TMEM107: variants seen among roughly 807,000 people sequenced by gnomAD.
TMEM107 encodes transmembrane protein 107.
A neutral mutation model predicts 16.8 loss-of-function variants in TMEM107; 18 were observed. That is an observed-to-expected ratio of 1.07 (90% CI 0.74 to 1.59). The LOEUF (loss-of-function observed/expected upper bound fraction) is 1.59, where lower values mean the gene tolerates loss of function less well. Ranked by LOEUF, TMEM107 falls within the 40% of genes most tolerant of loss-of-function variation. The pLI, the probability that TMEM107 is intolerant of heterozygous loss-of-function variation, is 0.00. For missense variants in TMEM107, 152 were observed against 175.4 expected, an observed-to-expected ratio of 0.87 and a Z score of 0.75; for synonymous variants, 68 against 71.6, an observed-to-expected ratio of 0.95 and a Z score of 0.25.
rs562912181 is a variant in TMEM107, at chr17:8,173,486, C to T, written c.*717G>A. ...AGGAGCAATCAGGGTGTTGCAAGTC[C>T]TGATTACGCAGAGACGTTAATCACG... is the stretch of plus-strand genomic sequence containing the variant. On this transcript the variant is annotated 3_prime_UTR_variant, in exon 5 of 5. Coordinates refer to ENST00000437139, the MANE Select transcript of TMEM107 (RefSeq NM_183065.4). 2.0e-5 allele frequency: 15 copies of T among 765,008 alleles called. No homozygotes were observed. Among genetic ancestry groups the T allele is most frequent in the East Asian group, 9.7e-5 (4 of 41,246 alleles). The allele number at this position is 765,008 out of a possible 1,614,324, so 47.4% of individuals were successfully genotyped here.
intron 3 of TMEM107, 91 bp from the exon 4 acceptor site, chr17:8,174,707 A>C (rs536348888): frequency 9.1e-7 from 1 of 1,104,084 alleles, no homozygotes; most frequent in South Asian, 1.3e-5. Context: ...ATCTGCATTC[A>C]GGTTCATCCC....
rs73245429 is a variant in TMEM107, at chr17:8,173,535, G to T, written c.*668C>A. The T allele has an allele frequency of 3.9e-6, 3 of 765,404 alleles. No individual in the cohort carries two copies. Among genetic ancestry groups the T allele is most frequent in the Admixed American group, 1.7e-5 (1 of 59,030 alleles). 47.4% of individuals were successfully genotyped at this position (765,404 alleles called of 1,614,324 possible). A position where few individuals can be genotyped will look rare whatever the true frequency, so the allele number is the denominator to read the frequency against. ...CGTTTCATGCATCTCCAATCATCAT[G>T]TTCTAATCTGCCCTCCGGAGGAGGA... On this transcript the variant is annotated 3_prime_UTR_variant, in exon 5 of 5. Transcript: ENST00000437139.
At position 8,176,318 on chromosome 17, in the gene TMEM107, G is replaced by T; in HGVS notation, c.-32C>A. On this transcript the variant is annotated 5_prime_UTR_variant, in exon 1 of 5. Coordinates refer to ENST00000437139, the MANE Select transcript of TMEM107 (RefSeq NM_183065.4). The stretch of plus-strand genomic sequence containing the variant: ...CGGGGACAAGGGCGGCGGTCTCTGA[G>T]GCTGGAAGTTCAGAGACAGCGACTC... 1 of 1,583,238 alleles carries T rather than the reference G, an allele frequency of 6.3e-7. No individual in the cohort carries two copies. Among genetic ancestry groups the T allele is most frequent in the Non-Finnish European group, 8.6e-7 (1 of 1,156,688 alleles).
In TMEM107 at chr17:8,175,741, C is replaced by G. The variant is rs1292572206; in HGVS notation, c.256+16G>C. The G allele has an allele frequency of 1.2e-6, 2 of 1,607,134 alleles. No homozygotes were observed. The highest frequency in any genetic ancestry group is 1.7e-6 in the Non-Finnish European group (2 of 1,173,782). ...AAGTGGGTCGTGTGGGAAAGGTGGG[C>G]AGGCAGAAAGGATACAGATGAGGCT... On this transcript the variant is annotated intron_variant, in intron 3 of 4. Transcript: ENST00000437139.
In TMEM107 at chr17:8,173,557, A is replaced by T. The variant is rs1193846277; in HGVS notation, c.*646T>A. On this transcript the variant is annotated 3_prime_UTR_variant, in exon 5 of 5. Coordinates refer to ENST00000437139, the MANE Select transcript of TMEM107 (RefSeq NM_183065.4). ...CATGTTCTAATCTGCCCTCCGGAGG[A>T]GGAACAGGTAAGGATTATCCCACCT... 1.3e-6 allele frequency: 1 copy of T among 765,284 alleles called. No homozygotes were observed. Among genetic ancestry groups the T allele is most frequent in the Non-Finnish European group, 2.4e-6 (1 of 418,002 alleles). The allele number at this position is 765,284 out of a possible 1,614,324, so 47.4% of individuals were successfully genotyped here.
At position 8,173,992 on chromosome 17, in the gene TMEM107, G is replaced by C. The variant is rs950233529; in HGVS notation, c.*211C>G. On this transcript the variant is annotated 3_prime_UTR_variant, in exon 5 of 5. Transcript: ENST00000437139. ...AATTGTCCCCTAAAACTGTATATAA[G>C]TCTTAATGTTACTACAAAACATATT... 10 of 573,662 alleles carry C rather than the reference G, an allele frequency of 1.7e-5. No homozygotes were observed. The highest frequency in any genetic ancestry group is 2.8e-5 in the Non-Finnish European group (9 of 320,814). The allele number at this position is 573,662 out of a possible 1,614,324, so 35.5% of individuals were successfully genotyped here. A position where few individuals can be genotyped will look rare whatever the true frequency, so the allele number is the denominator to read the frequency against.
intron 4 of TMEM107, 100 bp from the exon 5 acceptor site, chr17:8,174,372 G>A: frequency 7.5e-7 from 1 of 1,326,492 alleles, no homozygotes; most frequent in East Asian, 2.3e-5. Context: ...AGGTGGCATG[G>A]GGGGTAGGGG....
At position 8,176,313 on chromosome 17, in the gene TMEM107, T is replaced by C. The variant is rs1466767180; in HGVS notation, c.-27A>G. 6.9e-6 allele frequency: 11 copies of C among 1,599,188 alleles called. No homozygotes were observed. The South Asian group carries it at 1.2e-4, about 18-fold the overall frequency. ...GCCCTCGGGGACAAGGGCGGCGGTC[T>C]CTGAGGCTGGAAGTTCAGAGACAGC... On this transcript the variant is annotated 5_prime_UTR_variant, in exon 1 of 5. Transcript: ENST00000437139.
At position 8,173,362 on chromosome 17, in the gene TMEM107, A is replaced by C. The variant is rs1008754441; in HGVS notation, c.*841T>G. ...CAATAGCAAGACTGCAAAATAGACA[A>C]ACAGCAAGGTTATCCCAGTCAGAAC... On this transcript the variant is annotated 3_prime_UTR_variant, in exon 5 of 5. Coordinates refer to ENST00000437139, the MANE Select transcript of TMEM107 (RefSeq NM_183065.4). 28 of 619,204 alleles carry C rather than the reference A, an allele frequency of 4.5e-5. No homozygotes were observed. The highest frequency in any genetic ancestry group is 3.5e-4 in the South Asian group (18 of 51,130). The allele number at this position is 619,204 out of a possible 1,614,324, so 38.4% of individuals were successfully genotyped here. A position where few individuals can be genotyped will look rare whatever the true frequency, so the allele number is the denominator to read the frequency against.
chr17:8,176,143 A>G, intron 1 of TMEM107, 57 bp downstream of exon 1: 2 of 1,602,064 alleles, frequency 1.2e-6, no homozygotes, highest in Middle Eastern at 1.7e-4. Context: ...GCAGGGTAGG[A>G]CTAGGACCAC....
rs959920826 is a variant in TMEM107 at position 8,173,043 on chromosome 17, A to G, written c.*1160T>C. Among the ~76,000 whole-genome samples, 1 of 152,082 alleles carries G rather than the reference A, an allele frequency of 6.6e-6. No individual in the cohort carries two copies. The highest frequency in any genetic ancestry group is 1.5e-5 in the Non-Finnish European group (1 of 68,034). On this transcript the variant is annotated 3_prime_UTR_variant, in exon 5 of 5. Coordinates refer to ENST00000437139, the MANE Select transcript of TMEM107 (RefSeq NM_183065.4). ...TCCAAAAACAAATGTATCCATGTAT[A>G]TACATCTGCGCCGTGCACTCCTGCC...
intron 3 of TMEM107, 92 bp from the exon 4 acceptor site, chr17:8,174,708 G>C: frequency 9.2e-7 from 1 of 1,091,886 alleles, no homozygotes; most frequent in Non-Finnish European, 1.4e-6. Flanking sequence ...TCTGCATTCA[G>C]GTTCATCCCT....
Position 8,173,458 on chromosome 17 carries a change from G to T in TMEM107, c.*745C>A, listed in dbSNP as rs746503581. 1.3e-6 allele frequency: 1 copy of T among 764,000 alleles called. No individual in the cohort carries two copies. 47.3% of individuals were successfully genotyped at this position (764,000 alleles called of 1,614,324 possible). On this transcript the variant is annotated 3_prime_UTR_variant, in exon 5 of 5. Transcript: ENST00000437139. ...TGTAAGTGATCGTCAGAAAGAATCA[G>T]ACAGGAGCAATCAGGGTGTTGCAAG...
chr17:8,174,373 G>A, intron 4 of TMEM107, 101 bp from the exon 5 acceptor site: 4 of 1,329,324 alleles, frequency 3.0e-6, no homozygotes, highest in Non-Finnish European at 3.3e-6. Context: ...GGTGGCATGG[G>A]GGGTAGGGGA....
At position 8,172,855 on chromosome 17, in the gene TMEM107, C is replaced by CAAAAAAAAAAAAAAA; in HGVS notation, c.*1333_*1347dup. Among the ~76,000 whole-genome samples, 1 of 44,810 alleles carries CAAAAAAAAAAAAAAA rather than the reference C, an allele frequency of 2.2e-5. No homozygotes were observed. The allele number at this position is 44,810 out of a possible 152,430, so 29.4% of individuals were successfully genotyped here. A position where few individuals can be genotyped will look rare whatever the true frequency, so the allele number is the denominator to read the frequency against. On this transcript the variant is annotated 3_prime_UTR_variant, in exon 5 of 5. Coordinates refer to ENST00000437139, the MANE Select transcript of TMEM107 (RefSeq NM_183065.4). ...CCTGGGCAACAGAGTGAGACTGTCT[C>CAAAAAAAAAAAAAAA]AAAAAAAAAAAAAAAAAAAACCAAA...
At chr17:8,175,511 G>C (rs1984053798) in intron 3 of TMEM107, 1 of 612,790 alleles carries the variant, frequency 1.6e-6, no homozygotes, top group African/African-American at 1.8e-5. Context: ...TTCTCACTAT[G>C]TTGCCTCCTG....
In TMEM107 at chr17:8,173,386, ACTTCATAG is replaced by A. The variant is rs1186748995; in HGVS notation, c.*809_*816del. 1.5e-6 allele frequency: 1 copy of A among 688,320 alleles called. No homozygotes were observed. The highest frequency in any genetic ancestry group is 1.8e-5 in the African/African-American group (1 of 56,730). 42.6% of individuals were successfully genotyped at this position (688,320 alleles called of 1,614,324 possible). A position where few individuals can be genotyped will look rare whatever the true frequency, so the allele number is the denominator to read the frequency against. Reference sequence around the variant, plus strand: ...AAACAGCAAGGTTATCCCAGTCAGAACTTCATAGCTATGTTTGTGGATATCTGCTAATC... The same window carrying A: ...AAACAGCAAGGTTATCCCAGTCAGAACTATGTTTGTGGATATCTGCTAATC... On this transcript the variant is annotated 3_prime_UTR_variant, in exon 5 of 5. Transcript: ENST00000437139.
Position 8,173,326 on chromosome 17 carries a change from T to G in TMEM107, c.*877A>C, listed in dbSNP as rs114867112. 5.4e-6 allele frequency: 3 copies of G among 550,966 alleles called. No individual in the cohort carries two copies. The highest frequency in any genetic ancestry group is 9.8e-6 in the Non-Finnish European group (3 of 306,366). 34.1% of individuals were successfully genotyped at this position (550,966 alleles called of 1,614,324 possible). Reference sequence around the variant, plus strand: ...AAACAAATTTAGCAAGACTGCAAAATAGACAAACAGCAATAGCAAGACTGC... The same window carrying G: ...AAACAAATTTAGCAAGACTGCAAAAGAGACAAACAGCAATAGCAAGACTGC... On this transcript the variant is annotated 3_prime_UTR_variant, in exon 5 of 5. Coordinates refer to ENST00000437139, the MANE Select transcript of TMEM107 (RefSeq NM_183065.4).
chr17:8,173,250 ACTGCCTAAATTC>A lies in TMEM107; in HGVS notation c.*941_*952del. The A allele has an allele frequency of 2.0e-6, 1 of 509,792 alleles. No individual in the cohort carries two copies. Among genetic ancestry groups the A allele is most frequent in the Non-Finnish European group, 3.5e-6 (1 of 284,338 alleles). The allele number at this position is 509,792 out of a possible 1,614,324, so 31.6% of individuals were successfully genotyped here. ...ACAAAGAGCCCATTTGTATTATTTCACTGCCTAAATTCCAGAAAGCAACAAAAACCAAATCAC... is the reference window on the plus strand; with the variant it reads ...ACAAAGAGCCCATTTGTATTATTTCACAGAAAGCAACAAAAACCAAATCAC... On this transcript the variant is annotated 3_prime_UTR_variant, in exon 5 of 5. Transcript: ENST00000437139.
Sources: gnomAD v4.1 joint callset for allele counts (sites outside exome capture counted in the v4.1 genomes callset) on GRCh38, gnomAD v4.1.1 for gene constraint, MANE v1.5 for transcripts, NCBI Gene and HGNC (gene_info 2026-07-23, HGNC 2026-07-21) for gene names.